The following SMG1 variants were observed in gnomAD, a reference collection of about 807,000 sequenced individuals.
The protein encoded by SMG1 is serine/threonine-protein kinase SMG1.
Under a neutral mutation model 419.9 loss-of-function variants are expected in SMG1, and 22 were observed. That is an observed-to-expected ratio of 0.05 (90% CI 0.04 to 0.07). SMG1 has a LOEUF of 0.07. Ranked by LOEUF, SMG1 falls within the 10% of genes least tolerant of loss-of-function variation. The probability of loss-of-function intolerance (pLI) is 1.00; values close to 1 mark genes in which losing one functional copy is unlikely to be tolerated. For missense variants in SMG1, 3,185 were observed against 4,342.0 expected, an observed-to-expected ratio of 0.73 and a Z score of 7.49; for synonymous variants, 1,538 against 1,553.5, an observed-to-expected ratio of 0.99 and a Z score of 0.23.
chr16:18,840,436 T>G (rs993681896), intron 41 of SMG1, among the ~76,000 whole-genome samples: 8 of 152,220 alleles, frequency 5.3e-5, no homozygotes, highest in Non-Finnish European at 1.0e-4. Flanking sequence ...TGCCTAGGTT[T>G]AAAACTTGCC....
chr16:18,924,584 TAATC>T (rs1474347934), intron 1 of SMG1, among the ~76,000 whole-genome samples: 2 of 152,188 alleles, frequency 1.3e-5, no homozygotes, highest in South Asian at 2.1e-4. Flanking sequence ...AAAAAATACT[TAATC>T]AACTAATTTT....
rs924226500 is a variant in SMG1, at chr16:18,845,498, A to G, written c.6150T>C (p.Asn2050=). 1.2e-6 allele frequency: 2 copies of G among 1,613,844 alleles called. No individual in the cohort carries two copies. Among genetic ancestry groups the G allele is most frequent in the Admixed American group, 3.3e-5 (2 of 60,008 alleles). ...ATGGAGTCTTCAGTTTTTCTAGGGC[A>G]TTTTCAATGGCATCACCATAGTTAT... ...FQDNYGDAIE[N]ALEKLKTPLN... Residue 2050 remains asparagine (N), a synonymous_variant, in exon 39 of 63, where the codon AAT becomes AAC. Coordinates refer to ENST00000446231, the MANE Select transcript of SMG1 (RefSeq NM_015092.5).
At chr16:18,903,904 A>G (rs1378606283) in intron 1 of SMG1, among the ~76,000 whole-genome samples, 1 of 136,998 alleles carries the variant, frequency 7.3e-6, no homozygotes, top group Admixed American at 7.2e-5. Context: ...GGATCTGTCT[A>G]TTCCCCCCAT....
intron 55 of SMG1, 44 bp downstream of exon 55, chr16:18,827,987 T>C (rs1293361089): frequency 1.3e-6 from 2 of 1,580,908 alleles, no homozygotes; most frequent in Non-Finnish European, 8.6e-7. Context: ...ATTGGTTATT[T>C]CTAAAAAGAA....
intron 54 of SMG1, 87 bp from the exon 55 acceptor site, chr16:18,828,255 C>CG (rs1055436863): frequency 7.5e-7 from 1 of 1,328,200 alleles, no homozygotes; most frequent in African/African-American, 1.5e-5. Context: ...CTAGGACTGG[C>CG]GGAAGAGAAA....
At chr16:18,833,944 AT>A (rs1420648268) in intron 50 of SMG1, among the ~76,000 whole-genome samples, 2 of 152,214 alleles carry the variant, frequency 1.3e-5, no homozygotes, top group Non-Finnish European at 2.9e-5. Context: ...TGGATGTACC[AT>A]ATTTGTCCAT....
Position 18,854,644 on chromosome 16 carries a change from A to T in SMG1, c.4483+12T>A. 1 of 1,607,564 alleles carries T rather than the reference A, an allele frequency of 6.2e-7. No homozygotes were observed. The highest frequency in any genetic ancestry group is 8.5e-7 in the Non-Finnish European group (1 of 1,176,910). On this transcript the variant is annotated intron_variant, in intron 30 of 62. Transcript: ENST00000446231. The stretch of plus-strand genomic sequence containing the variant: ...TTATACTCATGTATTAACCATAATT[A>T]ATTTTACTAACCTGCTGTATAAAGC...
chr16:18,845,206 G>T (rs931803751), intron 39 of SMG1, among the ~76,000 whole-genome samples: 3 of 152,186 alleles, frequency 2.0e-5, no homozygotes, highest in Non-Finnish European at 2.9e-5. Context: ...ATACATGAAA[G>T]ATTGGGCACC....
In SMG1 at chr16:18,871,498, T is replaced by C; in HGVS notation, c.2184-16A>G. On this transcript the variant is annotated splice_polypyrimidine_tract_variant and intron_variant, in intron 15 of 62. Coordinates refer to ENST00000446231, the MANE Select transcript of SMG1 (RefSeq NM_015092.5). ...TAACAGTTTCCTGAAACACAAAATATACAGTTGACTGTACATTAAAAAAAA... is the reference window on the plus strand; with the variant it reads ...TAACAGTTTCCTGAAACACAAAATACACAGTTGACTGTACATTAAAAAAAA... 11 of 1,415,388 alleles carry C rather than the reference T, an allele frequency of 7.8e-6. No homozygotes were observed. The highest frequency in any genetic ancestry group is 1.3e-5 in the South Asian group (1 of 76,944). 87.7% of individuals were successfully genotyped at this position (1,415,388 alleles called of 1,614,324 possible).
chr16:18,820,059 G>C (rs1210724052), intron 55 of SMG1, among the ~76,000 whole-genome samples: 1 of 152,050 alleles, frequency 6.6e-6, no homozygotes, highest in African/African-American at 2.4e-5. Flanking sequence ...TCTGTCACCT[G>C]GGTTCAAGCG....
At chr16:18,860,998 G>A (rs1027578376) in intron 25 of SMG1, 3 of 424,898 alleles carry the variant, frequency 7.1e-6, no homozygotes, top group African/African-American at 6.4e-5. Flanking sequence ...GAAAGTCACA[G>A]CTACAGACTT....
intron 1 of SMG1, among the ~76,000 whole-genome samples, chr16:18,912,812 A>G (rs999964113): frequency 3.3e-5 from 5 of 152,142 alleles, no homozygotes; most frequent in Non-Finnish European, 7.4e-5. Flanking sequence ...AAAACAATAT[A>G]AACTACGACT....
chr16:18,875,897 T>TA, intron 13 of SMG1: 1 of 551,890 alleles, frequency 1.8e-6, no homozygotes, highest in Non-Finnish European at 3.2e-6. Flanking sequence ...AAAACTAATA[T>TA]AAAAAAACTT....
chr16:18,894,719 A>T (rs1479109865), intron 3 of SMG1, among the ~76,000 whole-genome samples: 1 of 151,920 alleles, frequency 6.6e-6, no homozygotes, highest in African/African-American at 2.4e-5. Flanking sequence ...AATGTCCAAA[A>T]AGTAATTACA....
intron 31 of SMG1, 116 bp from the exon 32 acceptor site, chr16:18,852,578 G>A (rs1366906943): frequency 2.3e-5 from 20 of 866,564 alleles, no homozygotes; most frequent in Non-Finnish European, 3.0e-5. Context: ...GCAATCAAAA[G>A]TTCCAAAATA....
chr16:18,864,022 C>G lies in SMG1; in HGVS notation c.3473G>C (p.Ser1158Thr), dbSNP rs1596544869. 2.6e-6 allele frequency: 4 copies of G among 1,550,000 alleles called. No individual in the cohort carries two copies. The highest frequency in any genetic ancestry group is 3.5e-6 in the Non-Finnish European group (4 of 1,146,998). Reference protein sequence around the residue: ...TLANAGRNSASPKHSLNGESR... With the variant: ...TLANAGRNSATPKHSLNGESR... The stretch of plus-strand genomic sequence containing the variant: ...CTCACCATTCAGAGAATGTTTCGGG[C>G]TGGCACTGTTACGCCCAGCATTGGC... The change falls in exon 24 of 63, where the codon AGC (serine) becomes ACC (threonine). Residue 1158 changes from serine (S) to threonine (T), a missense_variant. This residue lies in a region of SMG1 where 121 missense variants were observed against 125.4 expected (regional missense o/e 0.96). Coordinates refer to ENST00000446231, the MANE Select transcript of SMG1 (RefSeq NM_015092.5).
chr16:18,856,778 T>A (rs1567376529), intron 29 of SMG1: 1 of 151,158 alleles, frequency 6.6e-6, no homozygotes, highest in African/African-American at 2.4e-5. Context: ...GCTCAGTACC[T>A]AGTACAAAGC....
Position 18,845,545 on chromosome 16 carries a change from G to A in SMG1, c.6103C>T (p.Pro2035Ser). The A allele has an allele frequency of 6.2e-7, 1 of 1,613,892 alleles. No individual in the cohort carries two copies. The highest frequency in any genetic ancestry group is 8.5e-7 in the Non-Finnish European group (1 of 1,179,870). Residue 2035 changes from proline (P) to serine (S), a missense_variant, in exon 39 of 63, where the codon CCT (proline) becomes TCT (serine). Physicochemically the swap from Pro to Ser is moderately conservative, Grantham distance 74. Around this residue, in one of 27 missense-constraint regions of SMG1, gnomAD observed 159 missense variants for 196.0 expected, o/e 0.81. Transcript: ENST00000446231. The stretch of plus-strand genomic sequence containing the variant: ...TTATCCTGAAACCATTTTTCATGAG[G>A]TGTTTCTGCAGGAGCCGCTGTGATA... ...RSITAAPAET[P>S]HEKWFQDNYG...
intron 41 of SMG1, 139 bp from the exon 42 acceptor site, chr16:18,840,085 T>C (rs1178534418): frequency 3.0e-6 from 2 of 676,434 alleles, no homozygotes; most frequent in Non-Finnish European, 5.0e-6. Flanking sequence ...ATTTCATGTA[T>C]TAATACAAAA....
Sources: allele counts gnomAD v4.1 joint callset (sites outside exome capture counted in the v4.1 genomes callset), GRCh38; gene constraint gnomAD v4.1.1; regional missense constraint gnomAD v4.1.1; transcripts MANE v1.5; gene names NCBI Gene and HGNC (gene_info 2026-07-23, HGNC 2026-07-21).